Variants in USP6 observed in about 807,000 individuals in gnomAD.
USP6 encodes the protein ubiquitin specific peptidase 6, also known as ubiquitin carboxyl-terminal hydrolase 6.
Under a neutral mutation model 175.7 loss-of-function variants are expected in USP6, and 128 were observed. The observed-to-expected ratio is 0.73, with a 90% CI of 0.63 to 0.84. The LOEUF is 0.84. USP6 is among the 40% of genes least tolerant of loss of function. The probability of loss-of-function intolerance (pLI) is 0.00; values close to 1 mark genes in which losing one functional copy is unlikely to be tolerated. For synonymous variants in USP6, 562 were observed against 630.6 expected (o/e 0.89, Z 1.63); for missense variants, 1,498 against 1,760.3 (o/e 0.85, Z 2.67).
At chr17:5,167,526 T>G (rs1387727680) in intron 33 of USP6, among the ~76,000 whole-genome samples, 1 of 152,188 alleles carries the variant, frequency 6.6e-6, no homozygotes, top group Admixed American at 6.5e-5. Flanking sequence ...TTTTCCCTTT[T>G]TTTGAGACAA....
chr17:5,140,053 C>T (rs1333294592), intron 22 of USP6, among the ~76,000 whole-genome samples: 3 of 152,012 alleles, frequency 2.0e-5, no homozygotes, highest in Non-Finnish European at 2.9e-5. Flanking sequence ...CCAGCCCCAT[C>T]CCAGCACCCC....
intron 22 of USP6, among the ~76,000 whole-genome samples, 163 bp from the exon 23 acceptor site, chr17:5,141,262 C>T (rs772461207): frequency 6.6e-6 from 1 of 151,920 alleles, no homozygotes; most frequent in East Asian, 1.9e-4. Context: ...ATGCATTTCT[C>T]AGAATGTAAC....
intron 33 of USP6, among the ~76,000 whole-genome samples, chr17:5,167,156 T>C (rs2074112484): frequency 6.6e-6 from 1 of 152,214 alleles, no homozygotes; most frequent in African/African-American, 2.4e-5. Context: ...CTTCTCATGG[T>C]GAGCTTTTCT....
chr17:5,133,312 C>G, intron 13 of USP6, 131 bp from the exon 14 acceptor site: 1 of 1,051,106 alleles, frequency 9.5e-7, no homozygotes, highest in Admixed American at 2.0e-5. Flanking sequence ...AAGGGAGACC[C>G]TGTCCCAGCT....
At chr17:5,141,717 T>C (rs1170089799) in intron 23 of USP6, among the ~76,000 whole-genome samples, 1 of 152,154 alleles carries the variant, frequency 6.6e-6, no homozygotes, top group East Asian at 1.9e-4. Context: ...ATTTATATGT[T>C]TTAAAAGACA....
At position 5,133,641 on chromosome 17, in the gene USP6, G is replaced by T. The variant is rs1230089020; in HGVS notation, c.384+91G>T. The T allele has an allele frequency of 3.8e-6, 4 of 1,040,968 alleles. No homozygotes were observed. The South Asian group carries it at 3.9e-5, about 10-fold the overall frequency. The allele number at this position is 1,040,968 out of a possible 1,614,324, so 64.5% of individuals were successfully genotyped here. On this transcript the variant is annotated intron_variant, in intron 14 of 37. Transcript: ENST00000574788. ...GGAACGTCAAGCCCACCCTGGGGTGGGGGGGTGGGAGGGGATGGTTAGATG... is the reference window on the plus strand; with the variant it reads ...GGAACGTCAAGCCCACCCTGGGGTGTGGGGGTGGGAGGGGATGGTTAGATG...
At position 5,130,422 on chromosome 17, in the gene USP6, C is replaced by T; in HGVS notation, c.55C>T (p.Leu19Phe). ...SLQAQERKDI[L>F]MKYDKGHRAG... ...GCAGGCACAGGAGCGGAAGGACATA[C>T]TTATGAAGTATGACAAGGTACAGTT... The change falls in exon 10 of 38, where the codon CTT (leucine) becomes TTT (phenylalanine). Residue 19 changes from leucine (L) to phenylalanine (F), a missense_variant. Physicochemically the swap from Leu to Phe is conservative, Grantham distance 22. Around this residue, in one of 2 missense-constraint regions of USP6, gnomAD observed 281 missense variants for 259.6 expected, o/e 1.08. Transcript: ENST00000574788. 6.2e-7 allele frequency: 1 copy of T among 1,614,134 alleles called. No individual in the cohort carries two copies. Among genetic ancestry groups the T allele is most frequent in the Non-Finnish European group, 8.5e-7 (1 of 1,180,026 alleles).
At chr17:5,119,794 C>T (rs1388750316) in intron 2 of USP6, among the ~76,000 whole-genome samples, 1 of 152,192 alleles carries the variant, frequency 6.6e-6, no homozygotes, top group East Asian at 1.9e-4. Flanking sequence ...GCCATCATCT[C>T]AGCTGATAAA....
intron 33 of USP6, among the ~76,000 whole-genome samples, chr17:5,164,978 A>G (rs1158180930): frequency 6.6e-6 from 1 of 152,212 alleles, no homozygotes; most frequent in African/African-American, 2.4e-5. Context: ...GGAATGGTTA[A>G]ATAAAGCATG....
chr17:5,136,680 A>C lies in USP6; in HGVS notation c.705A>C (p.Gln235His), dbSNP rs1222775291. Residue 235 changes from glutamine to histidine, a missense_variant, in exon 18 of 38, where the codon CAA (glutamine) becomes CAC (histidine). Physicochemically the swap from Gln to His is conservative, Grantham distance 24 (BLOSUM62 0). Transcript: ENST00000574788. ...SPNGGTVQGL[Q>H]DQQEHVVPKS... ...ATGGTGGGACAGTCCAGGGGCTCCA[A>C]GACCAACAGGAGCATGTGGTACCCA... 1 of 1,612,000 alleles carries C rather than the reference A, an allele frequency of 6.2e-7. No homozygotes were observed. Among genetic ancestry groups the C allele is most frequent in the Admixed American group, 1.7e-5 (1 of 59,990 alleles).
intron 2 of USP6, among the ~76,000 whole-genome samples, chr17:5,119,293 C>T (rs2072599662): frequency 6.6e-6 from 1 of 152,188 alleles, no homozygotes; most frequent in Non-Finnish European, 1.5e-5. Context: ...AGACTGCTCC[C>T]TAACAGGTAG....
At chr17:5,147,011 T>TA (rs1338390325) in intron 28 of USP6, 72 bp from the exon 29 acceptor site, 2 of 1,399,926 alleles carry the variant, frequency 1.4e-6, no homozygotes, top group African/African-American at 2.9e-5. Flanking sequence ...TCTTTTGAAA[T>TA]ACATTAGAGA....
chr17:5,134,029 A>G (rs371981771), intron 15 of USP6, 33 bp downstream of exon 15: 41 of 1,599,966 alleles, frequency 2.6e-5, no homozygotes, highest in Non-Finnish European at 3.4e-5. Context: ...GTCCCAGCAG[A>G]GATGGGGTGA....
At chr17:5,120,863 G>T (rs185526265) in intron 3 of USP6, 75 bp downstream of exon 3, 26 of 454,528 alleles carry the variant, frequency 5.7e-5, no homozygotes, top group African/African-American at 4.2e-4. Flanking sequence ...TGGAACGCTG[G>T]CAGATCCACA....
At chr17:5,122,642 G>T (rs561407893) in intron 4 of USP6, among the ~76,000 whole-genome samples, 2 of 152,264 alleles carry the variant, frequency 1.3e-5, no homozygotes, top group African/African-American at 4.8e-5. Context: ...CGGCTGCAAC[G>T]CGTGTCTCCC....
At chr17:5,119,733 T>G (rs2072609331) in intron 2 of USP6, among the ~76,000 whole-genome samples, 1 of 152,178 alleles carries the variant, frequency 6.6e-6, no homozygotes, top group African/African-American at 2.4e-5. Flanking sequence ...ATTATAATAG[T>G]GATAGTCATT....
chr17:5,150,500 T>G (rs2073738994), intron 30 of USP6, among the ~76,000 whole-genome samples: 1 of 144,424 alleles, frequency 6.9e-6, no homozygotes, highest in South Asian at 2.2e-4. Context: ...AAATATATCT[T>G]TTTTTTTTTT....
In USP6 at chr17:5,145,466, T is replaced by A. The variant is rs1313574069; in HGVS notation, c.2054T>A (p.Leu685Gln). The A allele has an allele frequency of 1.2e-6, 2 of 1,613,022 alleles. No homozygotes were observed. Among genetic ancestry groups the A allele is most frequent in the Admixed American group, 3.3e-5 (2 of 59,832 alleles). ...ATTGTGGATTTGTTCCATGGGCAGCTAAGATCTCAAGTCAAATGCAAGACA... is the reference window on the plus strand; with the variant it reads ...ATTGTGGATTTGTTCCATGGGCAGCAAAGATCTCAAGTCAAATGCAAGACA... Reference protein sequence around the residue: ...SIIVDLFHGQLRSQVKCKTCG... With the variant: ...SIIVDLFHGQQRSQVKCKTCG... Residue 685 changes from leucine (L) to glutamine (Q), a missense_variant, in exon 27 of 38, where the codon CTA becomes CAA. By Grantham distance (113) the Leu-to-Gln change is moderately radical. Transcript: ENST00000574788.
Position 5,142,495 on chromosome 17 carries a change from A to G in USP6, c.1811A>G (p.Lys604Arg), listed in dbSNP as rs149879152. The G allele has an allele frequency of 1.3e-4, 214 of 1,612,174 alleles. 2 individuals are homozygous for G. The highest frequency in any genetic ancestry group is 1.6e-4 in the Non-Finnish European group (193 of 1,179,174). Residue 604 changes from lysine to arginine, a missense_variant, in exon 25 of 38, where the codon AAG (lysine) becomes AGG (arginine). By Grantham distance (26) the Lys-to-Arg change is conservative. Coordinates refer to ENST00000574788, the MANE Select transcript of USP6 (RefSeq NM_001304284.2). The part of the protein sequence containing the change: ...SGTQKSVAPL[K>R]LRRTIAKYAP... ...ACTCAGAAGAGTGTTGCCCCATTAA[A>G]GCTTCGGGTAAGCAGGTTAAAATAA...
Sources: allele counts gnomAD v4.1 joint callset (sites outside exome capture counted in the v4.1 genomes callset), GRCh38; gene constraint gnomAD v4.1.1; regional missense constraint gnomAD v4.1.1; transcripts MANE v1.5; gene names NCBI Gene and HGNC (gene_info 2026-07-23, HGNC 2026-07-21).